Variants in DMRT1 observed in about 807,000 individuals in gnomAD.
The protein encoded by DMRT1 is doublesex and mab-3 related transcription factor 1.
DMRT1 carries 7 observed loss-of-function variants against 32.3 expected under a neutral mutation model. That is an observed-to-expected ratio of 0.22 (90% CI 0.12 to 0.41). The LOEUF (loss-of-function observed/expected upper bound fraction) is 0.41. DMRT1 is among the 10% of genes least tolerant of loss of function. The pLI is 1.00. For synonymous variants in DMRT1, 278 were observed against 206.1 expected (o/e 1.35, Z -2.99); for missense variants, 625 against 500.5 (o/e 1.25, Z -2.37).
chr9:885,873 T>C (rs1450597566), intron 2 of DMRT1, among the ~76,000 whole-genome samples: 3 of 152,226 alleles, frequency 2.0e-5, no homozygotes, highest in Admixed American at 2.0e-4. Context: ...GACTACTGGT[T>C]AAGAAAGCCA....
At chr9:865,669 G>C (rs569607652) in intron 2 of DMRT1, among the ~76,000 whole-genome samples, 13 of 151,978 alleles carry the variant, frequency 8.6e-5, no homozygotes, top group Non-Finnish European at 1.3e-4. Flanking sequence ...CTTTGGGTGA[G>C]GATTACATAA....
At chr9:952,570 A>T (rs1819463302) in intron 4 of DMRT1, among the ~76,000 whole-genome samples, 1 of 152,182 alleles carries the variant, frequency 6.6e-6, no homozygotes, top group Non-Finnish European at 1.5e-5. Flanking sequence ...TGAGCTGATA[A>T]TTTCTGAAAT....
In DMRT1 at chr9:920,975, G is replaced by T. The variant is rs112061144; in HGVS notation, c.967+4068G>T. ...TGAGGTTGATAAAATATTGGGGCTT[G>T]TATTTTTTGTCTTTCATTTTTCTAG... On this transcript the variant is annotated intron_variant, in intron 4 of 4. Coordinates refer to ENST00000382276, the MANE Select transcript of DMRT1 (RefSeq NM_021951.3). Among the ~76,000 whole-genome samples, 1,211 of 152,274 alleles carry T rather than the reference G, an allele frequency of 8.0e-3. 7 individuals are homozygous for T. The highest frequency in any genetic ancestry group is 0.014 in the Non-Finnish European group (935 of 68,014).
chr9:854,112 A>AT lies in DMRT1; in HGVS notation c.538+6981dup, dbSNP rs61696723. Among the ~76,000 whole-genome samples, 168 of 146,978 alleles carry AT rather than the reference A, an allele frequency of 1.1e-3. 1 individual carries two copies. The highest frequency in any genetic ancestry group is 0.011 in the Middle Eastern group (3 of 280). On this transcript the variant is annotated intron_variant, in intron 2 of 4. Transcript: ENST00000382276. ...AGGTGTGAGCCTACACACTAAGCCCATTTTTTTTTTTTAATTTTTCAAGAG... is the reference window on the plus strand; with the variant it reads ...AGGTGTGAGCCTACACACTAAGCCCATTTTTTTTTTTTTAATTTTTCAAGAG...
At chr9:911,583 C>T (rs1464581465) in intron 3 of DMRT1, among the ~76,000 whole-genome samples, 3 of 137,768 alleles carry the variant, frequency 2.2e-5, no homozygotes, top group African/African-American at 7.9e-5. Flanking sequence ...ACCTCTGCCT[C>T]CTGGGTTCAA....
chr9:968,334 G>A lies in DMRT1; in HGVS notation c.*195G>A, dbSNP rs279894. The stretch of plus-strand genomic sequence containing the variant: ...AGGGTCCGTGACTACCATCTGCATG[G>A]TTTAAGTGCTTTACTCACGGAGTTT... On this transcript the variant is annotated 3_prime_UTR_variant, in exon 5 of 5. Coordinates refer to ENST00000382276, the MANE Select transcript of DMRT1 (RefSeq NM_021951.3). The A allele has an allele frequency of 0.87, 530,146 of 611,194 alleles. 231,029 individuals carry two copies. The highest frequency in any genetic ancestry group is 1 in the East Asian group (34,468 of 34,490). 37.9% of individuals were successfully genotyped at this position (611,194 alleles called of 1,614,324 possible). A position where few individuals can be genotyped will look rare whatever the true frequency, so the allele number is the denominator to read the frequency against.
At chr9:870,133 C>T (rs1394523835) in intron 2 of DMRT1, among the ~76,000 whole-genome samples, 3 of 152,156 alleles carry the variant, frequency 2.0e-5, no homozygotes, top group East Asian at 1.9e-4. Context: ...CGCGGTGGCT[C>T]ACGCCTGTAA....
Position 916,838 on chromosome 9 carries a change from C to T in DMRT1, c.898C>T (p.Leu300=). The part of the protein sequence containing the change: ...MHSYYPPPSY[L]GQSVPQFFTF... ...TTCTTACTACCCGCCTCCCTCTTAC[C>T]TGGGCCAGAGCGTGCCCCAGTTCTT... Residue 300 remains leucine, a synonymous_variant, in exon 4 of 5, where the codon CTG becomes TTG. Coordinates refer to ENST00000382276, the MANE Select transcript of DMRT1 (RefSeq NM_021951.3). 1 of 1,614,214 alleles carries T rather than the reference C, an allele frequency of 6.2e-7. No homozygotes were observed. Among genetic ancestry groups the T allele is most frequent in the Non-Finnish European group, 8.5e-7 (1 of 1,180,042 alleles).
chr9:912,318 A>G (rs1254949370), intron 3 of DMRT1, among the ~76,000 whole-genome samples: 3 of 152,238 alleles, frequency 2.0e-5, no homozygotes, highest in East Asian at 3.9e-4. Context: ...GAGTGAGGAC[A>G]CAGAGCCAAA....
chr9:942,098 A>C (rs1185922665), intron 4 of DMRT1, among the ~76,000 whole-genome samples: 1 of 152,228 alleles, frequency 6.6e-6, no homozygotes, highest in Non-Finnish European at 1.5e-5. Context: ...CATAGGTATG[A>C]CAACATCTTG....
intron 4 of DMRT1, among the ~76,000 whole-genome samples, chr9:937,251 A>G (rs1818918103): frequency 6.6e-6 from 1 of 152,114 alleles, no homozygotes; most frequent in African/African-American, 2.4e-5. Context: ...TCTTCTGTTG[A>G]TGGGCACTTG....
intron 3 of DMRT1, 79 bp downstream of exon 3, chr9:894,274 G>A: frequency 6.7e-7 from 1 of 1,483,302 alleles, no homozygotes; most frequent in South Asian, 1.1e-5. Flanking sequence ...CATACACACA[G>A]AGGCACACAC....
At chr9:903,632 C>T (rs942736668) in intron 3 of DMRT1, among the ~76,000 whole-genome samples, 4 of 152,140 alleles carry the variant, frequency 2.6e-5, no homozygotes, top group African/African-American at 9.7e-5. Context: ...TGAGCCCAGA[C>T]AGATGGTGAG....
intron 4 of DMRT1, among the ~76,000 whole-genome samples, chr9:948,586 G>C (rs1819324153): frequency 6.7e-6 from 1 of 150,226 alleles, no homozygotes; most frequent in Non-Finnish European, 1.5e-5. Flanking sequence ...TGCTGTGTTG[G>C]GGCCCAGAAG....
At chr9:885,152 C>T (rs1000218084) in intron 2 of DMRT1, among the ~76,000 whole-genome samples, 1 of 152,244 alleles carries the variant, frequency 6.6e-6, no homozygotes, top group Non-Finnish European at 1.5e-5. Flanking sequence ...CGTGGGGCTC[C>T]GACCCCATGG....
intron 4 of DMRT1, among the ~76,000 whole-genome samples, chr9:962,423 T>C (rs1457702581): frequency 5.9e-5 from 9 of 152,152 alleles, no homozygotes; most frequent in Admixed American, 5.9e-4. Context: ...GTAGGGCTGC[T>C]GCCATGGACA....
intron 2 of DMRT1, among the ~76,000 whole-genome samples, chr9:862,253 A>G (rs1256848579): frequency 6.6e-6 from 1 of 152,044 alleles, no homozygotes; most frequent in Non-Finnish European, 1.5e-5. Context: ...CACTCCCGGC[A>G]CCTCGGGAGG....
intron 3 of DMRT1, among the ~76,000 whole-genome samples, chr9:913,006 G>C (rs1477177078): frequency 6.6e-6 from 1 of 152,122 alleles, no homozygotes; most frequent in East Asian, 1.9e-4. Context: ...AATTGCTAGA[G>C]ACTGTATGGC....
At chr9:845,530 T>C (rs1055797333) in intron 1 of DMRT1, among the ~76,000 whole-genome samples, 1 of 152,114 alleles carries the variant, frequency 6.6e-6, no homozygotes, top group Non-Finnish European at 1.5e-5. Context: ...TTAACGGTGT[T>C]ATTGAAGAGG....
Sources: allele counts gnomAD v4.1 joint callset (sites outside exome capture counted in the v4.1 genomes callset), GRCh38; gene constraint gnomAD v4.1.1; transcripts MANE v1.5; gene names NCBI Gene and HGNC (gene_info 2026-07-23, HGNC 2026-07-21).